The following BMPR1B variants were observed in gnomAD, a reference collection of about 807,000 sequenced individuals.
BMPR1B encodes bone morphogenetic protein receptor type 1B, also known as bone morphogenetic protein receptor type-1B.
Under a neutral mutation model 59.1 loss-of-function variants are expected in BMPR1B, and 12 were observed. The observed-to-expected ratio is 0.20, with a 90% CI of 0.13 to 0.33. BMPR1B has a LOEUF of 0.33. BMPR1B is among the 10% of genes least tolerant of loss of function. BMPR1B has a pLI of 1.00. For synonymous variants in BMPR1B, 237 were observed against 207.3 expected (o/e 1.14, Z -1.23); for missense variants, 550 against 610.9 (o/e 0.90, Z 1.05).
chr4:95,022,349 T>C (rs1724050746), intron 3 of BMPR1B, among the ~76,000 whole-genome samples: 1 of 152,242 alleles, frequency 6.6e-6, no homozygotes, highest in African/African-American at 2.4e-5. Context: ...ATCAGATGTA[T>C]TTTCTGACCA....
rs369145089 is a variant in BMPR1B, at chr4:94,890,575, C to T, written c.-113+14675C>T. On this transcript the variant is annotated intron_variant, in intron 2 of 12. Coordinates refer to ENST00000515059, the MANE Select transcript of BMPR1B (RefSeq NM_001203.3). ...TACTAGTCTTCTTGGGCTGCCGTAACGAAATACTTTAGAGTGGGTGGCTTA... is the reference window on the plus strand; with the variant it reads ...TACTAGTCTTCTTGGGCTGCCGTAATGAAATACTTTAGAGTGGGTGGCTTA... Among the ~76,000 whole-genome samples the T allele has an allele frequency of 9.7e-4, 147 of 152,156 alleles. 2 individuals are homozygous for T. In the South Asian group the frequency reaches 0.026, roughly 27 times the overall value.
intron 1 of BMPR1B, among the ~76,000 whole-genome samples, chr4:94,817,422 A>G (rs1461281382): frequency 7.9e-5 from 12 of 152,208 alleles, no homozygotes; most frequent in Non-Finnish European, 1.5e-4. Context: ...TTATAGTTTC[A>G]GAAATTTCTA....
intron 8 of BMPR1B, among the ~76,000 whole-genome samples, chr4:95,125,420 C>T (rs921169067): frequency 1.3e-5 from 2 of 152,126 alleles, no homozygotes; most frequent in Non-Finnish European, 2.9e-5. Flanking sequence ...ATAAGGATAG[C>T]ATTACCGCAC....
intron 3 of BMPR1B, among the ~76,000 whole-genome samples, chr4:95,027,908 T>G (rs1343722639): frequency 6.6e-6 from 1 of 152,186 alleles, no homozygotes; most frequent in African/African-American, 2.4e-5. Flanking sequence ...AGCTTTCCAC[T>G]ATAGAAGAGT....
At chr4:94,949,319 T>C (rs1489687322) in intron 2 of BMPR1B, among the ~76,000 whole-genome samples, 72 of 40,800 alleles carry the variant, frequency 1.8e-3, no homozygotes, top group South Asian at 4.2e-3. Flanking sequence ...TTTTTTTTTT[T>C]TTTTTTTTGA....
chr4:94,761,439 GTGTGTGTGTGTGTGTGTGTGTGT>G (rs949431271), intron 1 of BMPR1B, among the ~76,000 whole-genome samples: 1 of 133,522 alleles, frequency 7.5e-6, no homozygotes, highest in African/African-American at 3.6e-5. Flanking sequence ...GTGTGTGTGT[GTGTGTGTGTGTGTGTGTGTGTGT>G]TGAAGGGGGT....
intron 1 of BMPR1B, among the ~76,000 whole-genome samples, chr4:94,844,011 A>G (rs987239607): frequency 7.2e-5 from 11 of 152,052 alleles, no homozygotes; most frequent in African/African-American, 2.7e-4. Flanking sequence ...GGGCTGGGGT[A>G]TGGGGGGAAA....
intron 10 of BMPR1B, among the ~76,000 whole-genome samples, chr4:95,136,663 A>G (rs549893020): frequency 4.6e-5 from 7 of 152,188 alleles, no homozygotes; most frequent in African/African-American, 1.7e-4. Context: ...CGAGGAATTT[A>G]TCCATTTCTT....
At chr4:94,994,904 C>T (rs1721965313) in intron 2 of BMPR1B, among the ~76,000 whole-genome samples, 1 of 152,158 alleles carries the variant, frequency 6.6e-6, no homozygotes, top group South Asian at 2.1e-4. Flanking sequence ...TTGGCTCTGT[C>T]ACAAAGTTGC....
intron 2 of BMPR1B, among the ~76,000 whole-genome samples, chr4:94,891,215 T>C (rs566798867): frequency 6.6e-6 from 1 of 152,222 alleles, no homozygotes; most frequent in South Asian, 2.1e-4. Context: ...TTTCCCACTA[T>C]ACATTCCACT....
chr4:95,130,594 A>G (rs1733257646), intron 9 of BMPR1B, among the ~76,000 whole-genome samples: 1 of 152,048 alleles, frequency 6.6e-6, no homozygotes. Flanking sequence ...TAGTTTATAT[A>G]CCATAGTAGT....
intron 2 of BMPR1B, among the ~76,000 whole-genome samples, chr4:94,901,260 T>C (rs1727799515): frequency 1.3e-5 from 2 of 151,956 alleles, no homozygotes; most frequent in South Asian, 4.1e-4. Context: ...TACAGTAAAA[T>C]CGAAAATATC....
At chr4:95,068,237 T>C (rs992146753) in intron 3 of BMPR1B, among the ~76,000 whole-genome samples, 1 of 152,190 alleles carries the variant, frequency 6.6e-6, no homozygotes. Context: ...ATTTCCCGTT[T>C]TCTCTATCAC....
At chr4:94,941,628 A>C (rs189549222) in intron 2 of BMPR1B, among the ~76,000 whole-genome samples, 4 of 152,280 alleles carry the variant, frequency 2.6e-5, no homozygotes, top group Admixed American at 2.6e-4. Context: ...TAAAAGAAAG[A>C]AAATTATCAT....
At chr4:95,037,469 A>G (rs894104504) in intron 3 of BMPR1B, among the ~76,000 whole-genome samples, 6 of 152,194 alleles carry the variant, frequency 3.9e-5, no homozygotes, top group African/African-American at 1.2e-4. Flanking sequence ...TGGAAAAGGA[A>G]AAGCACATGG....
chr4:94,813,581 G>A (rs1412017354), intron 1 of BMPR1B, among the ~76,000 whole-genome samples: 6 of 152,280 alleles, frequency 3.9e-5, no homozygotes, highest in Admixed American at 3.3e-4. Context: ...TGTCAGGCTC[G>A]ATCTTGGCAT....
intron 1 of BMPR1B, among the ~76,000 whole-genome samples, chr4:94,872,784 T>C (rs906270732): frequency 2.0e-5 from 3 of 152,246 alleles, no homozygotes; most frequent in Non-Finnish European, 4.4e-5. Flanking sequence ...CAGTAAAAGA[T>C]GATTATGTTT....
chr4:94,960,559 T>A (rs1232971834), intron 2 of BMPR1B, among the ~76,000 whole-genome samples: 1 of 152,152 alleles, frequency 6.6e-6, no homozygotes, highest in African/African-American at 2.4e-5. Flanking sequence ...AAAGCTCTAC[T>A]GTTTCTAGCC....
chr4:95,118,822 G>T (rs1336456576), intron 6 of BMPR1B, among the ~76,000 whole-genome samples: 1 of 152,164 alleles, frequency 6.6e-6, no homozygotes, highest in Non-Finnish European at 1.5e-5. Flanking sequence ...TATTGATAAG[G>T]ATCACCTATT....
Sources: gnomAD v4.1 joint callset for allele counts (sites outside exome capture counted in the v4.1 genomes callset) on GRCh38, gnomAD v4.1.1 for gene constraint, MANE v1.5 for transcripts, NCBI Gene and HGNC (gene_info 2026-07-23, HGNC 2026-07-21) for gene names.